The following PPM1L variants were observed in gnomAD, a reference collection of about 807,000 sequenced individuals.
The protein encoded by PPM1L is protein phosphatase 1L.
A neutral mutation model predicts 31.4 loss-of-function variants in PPM1L; 13 were observed. That is an observed-to-expected ratio of 0.41 (90% CI 0.27 to 0.66). The LOEUF is 0.66. Among genes scored for constraint, PPM1L ranks in the 30% least tolerant of loss-of-function variants. The probability of loss-of-function intolerance (pLI) is 0.29; values close to 1 mark genes in which losing one functional copy is unlikely to be tolerated. For synonymous variants in PPM1L, 184 were observed against 175.4 expected (o/e 1.05, Z -0.39); for missense variants, 326 against 453.7 (o/e 0.72, Z 2.56).
intron 2 of PPM1L, among the ~76,000 whole-genome samples, chr3:161,027,844 A>G (rs1366112510): frequency 6.6e-6 from 1 of 152,222 alleles, no homozygotes; most frequent in Non-Finnish European, 1.5e-5. Context: ...CAAAAAGAGA[A>G]CTCAGCTGGT....
rs1719862439 is a variant in PPM1L, at chr3:161,070,105, A to C, written c.*948A>C. The C allele has an allele frequency of 6.6e-6, 1 of 152,194 alleles. No individual in the cohort carries two copies. The allele number at this position is 152,194 out of a possible 1,614,324, so 9.4% of individuals were successfully genotyped here. On this transcript the variant is annotated 3_prime_UTR_variant, in exon 4 of 4. Transcript: ENST00000498165. ...AGTAAGCTGTTTGCATTGAGAAAGG[A>C]GTGAGCTGGTGAGGTTACCACCCTG...
intron 1 of PPM1L, among the ~76,000 whole-genome samples, chr3:160,791,781 T>TA: frequency 6.6e-6 from 1 of 152,336 alleles, no homozygotes; most frequent in South Asian, 2.1e-4. Context: ...GCCTCTTGGA[T>TA]AAAATCACAT....
At chr3:160,949,688 A>T (rs1269279669) in intron 1 of PPM1L, among the ~76,000 whole-genome samples, 1 of 152,208 alleles carries the variant, frequency 6.6e-6, no homozygotes, top group South Asian at 2.1e-4. Flanking sequence ...ACCCACATAG[A>T]TGAAAAAGCT....
chr3:161,013,179 C>T (rs1717955056), intron 2 of PPM1L, among the ~76,000 whole-genome samples: 1 of 152,204 alleles, frequency 6.6e-6, no homozygotes, highest in Non-Finnish European at 1.5e-5. Flanking sequence ...AAATTTCCCT[C>T]TACACACTGT....
intron 2 of PPM1L, among the ~76,000 whole-genome samples, chr3:161,000,846 T>C (rs959263760): frequency 2.0e-5 from 3 of 152,218 alleles, no homozygotes; most frequent in Non-Finnish European, 4.4e-5. Flanking sequence ...TTTCTATAAA[T>C]ACTTTACACA....
chr3:160,972,791 G>A (rs1355342240), intron 2 of PPM1L, among the ~76,000 whole-genome samples: 1 of 151,986 alleles, frequency 6.6e-6, no homozygotes, highest in African/African-American at 2.4e-5. Flanking sequence ...TTCCACAATG[G>A]TTGAACTAGT....
chr3:160,760,797 G>A (rs1384510536), intron 1 of PPM1L, among the ~76,000 whole-genome samples: 1 of 151,582 alleles, frequency 6.6e-6, no homozygotes, highest in Admixed American at 6.6e-5. Context: ...CATGGCTGAA[G>A]CCTAGCTAGA....
At chr3:161,030,990 A>G (rs183832068) in intron 2 of PPM1L, among the ~76,000 whole-genome samples, 83 of 152,282 alleles carry the variant, frequency 5.5e-4, no homozygotes, top group Admixed American at 3.5e-3. Context: ...CTCAAAAACC[A>G]CACCTACCCT....
rs565971687 is a variant in PPM1L, at chr3:161,076,885, G to A, written c.*7728G>A. ...CTTAAAAATAAATAGAAGCATCATT[G>A]CATTTATAACAGATTGATCAATCTT... On this transcript the variant is annotated 3_prime_UTR_variant, in exon 4 of 4. Coordinates refer to ENST00000498165, the MANE Select transcript of PPM1L (RefSeq NM_139245.4). The A allele has an allele frequency of 6.6e-6, 1 of 152,306 alleles. No homozygotes were observed. Among genetic ancestry groups the A allele is most frequent in the South Asian group, 2.1e-4 (1 of 4,828 alleles). 9.4% of individuals were successfully genotyped at this position (152,306 alleles called of 1,614,324 possible).
intron 1 of PPM1L, among the ~76,000 whole-genome samples, chr3:160,775,143 C>T (rs1238358764): frequency 6.6e-6 from 1 of 152,174 alleles, no homozygotes; most frequent in East Asian, 1.9e-4. Flanking sequence ...CCCCATTTTA[C>T]AGTTGGGGAA....
At chr3:160,819,961 C>T (rs1713144157) in intron 1 of PPM1L, among the ~76,000 whole-genome samples, 1 of 152,048 alleles carries the variant, frequency 6.6e-6, no homozygotes, top group South Asian at 2.1e-4. Flanking sequence ...ACTATGACAT[C>T]TAGAACACTG....
chr3:160,927,820 C>T (rs1465594537), intron 1 of PPM1L, among the ~76,000 whole-genome samples: 1 of 152,014 alleles, frequency 6.6e-6, no homozygotes, highest in Admixed American at 6.6e-5. Context: ...GGTTTAGTGG[C>T]TTTGTTTAGT....
At chr3:160,886,297 G>A (rs1712914493) in intron 1 of PPM1L, among the ~76,000 whole-genome samples, 1 of 152,162 alleles carries the variant, frequency 6.6e-6, no homozygotes. Context: ...GAGGAATCTG[G>A]GCAGCCCAGA....
At chr3:160,925,816 T>C (rs1576718671) in intron 1 of PPM1L, among the ~76,000 whole-genome samples, 1 of 151,986 alleles carries the variant, frequency 6.6e-6, no homozygotes, top group Admixed American at 6.6e-5. Flanking sequence ...TAATTAGGGG[T>C]AGGGCCAGAG....
intron 1 of PPM1L, among the ~76,000 whole-genome samples, chr3:160,856,903 T>C (rs1711726466): frequency 6.6e-6 from 1 of 152,210 alleles, no homozygotes. Flanking sequence ...TAGATGGCAG[T>C]GGATTTATTC....
At chr3:160,805,817 T>G (rs1712583031) in intron 1 of PPM1L, among the ~76,000 whole-genome samples, 1 of 152,202 alleles carries the variant, frequency 6.6e-6, no homozygotes, top group Admixed American at 6.5e-5. Flanking sequence ...AGCCCATACC[T>G]GTAGCCCATA....
chr3:161,062,237 A>G (rs1348953301), intron 2 of PPM1L, among the ~76,000 whole-genome samples: 4 of 152,028 alleles, frequency 2.6e-5, no homozygotes, highest in Admixed American at 2.0e-4. Flanking sequence ...ATATACGGGT[A>G]TTATCCTAAA....
chr3:161,043,753 T>TTC (rs1301232242), intron 2 of PPM1L, among the ~76,000 whole-genome samples: 1 of 152,208 alleles, frequency 6.6e-6, no homozygotes, highest in Non-Finnish European at 1.5e-5. Flanking sequence ...GACTCTCCAG[T>TTC]TCTCTCTCTG....
At chr3:160,818,815 A>G (rs865787235) in intron 1 of PPM1L, among the ~76,000 whole-genome samples, 8 of 152,008 alleles carry the variant, frequency 5.3e-5, no homozygotes, top group South Asian at 2.1e-4. Context: ...TAGCATATCC[A>G]TTACCTCATA....
Sources: allele counts gnomAD v4.1 joint callset (sites outside exome capture counted in the v4.1 genomes callset), GRCh38; gene constraint gnomAD v4.1.1; transcripts MANE v1.5; gene names NCBI Gene and HGNC (gene_info 2026-07-23, HGNC 2026-07-21).